LSG1: variants seen among roughly 807,000 people sequenced by gnomAD.
LSG1 encodes the protein large 60S subunit nuclear export GTPase 1.
In LSG1, 55 loss-of-function variants were observed where a neutral mutation model predicts 82.6. That is an observed-to-expected ratio of 0.67 (90% CI 0.54 to 0.83). The LOEUF (loss-of-function observed/expected upper bound fraction) is 0.83, where lower values mean the gene tolerates loss of function less well. Among genes scored for constraint, LSG1 ranks in the 40% least tolerant of loss-of-function variants. The probability of loss-of-function intolerance (pLI) is 0.00; values close to 1 mark genes in which losing one functional copy is unlikely to be tolerated. For missense variants in LSG1, 809 were observed against 807.9 expected (o/e 1.00, Z -0.02); for synonymous variants, 272 against 282.5 (o/e 0.96, Z 0.37).
At chr3:194,670,612 A>C (rs1719124607) in intron 1 of LSG1, among the ~76,000 whole-genome samples, 1 of 152,212 alleles carries the variant, frequency 6.6e-6, no homozygotes, top group African/African-American at 2.4e-5. Context: ...ATGGCAATAG[A>C]AGAATACTGA....
chr3:194,658,917 T>TA (rs1553846420), intron 7 of LSG1, 40 bp downstream of exon 7: 14 of 1,532,700 alleles, frequency 9.1e-6, no homozygotes. Context: ...AAATCAAAAT[T>TA]CCCTCTTTGA....
At chr3:194,644,380 AT>A (rs1290492477) in intron 13 of LSG1, among the ~76,000 whole-genome samples, 192 bp downstream of exon 13, 25,008 of 107,674 alleles carry the variant, frequency 0.23, 3,628 homozygotes, top group East Asian at 0.4. Context: ...AAAAAAAAAA[AT>A]AAAAATAAAT....
chr3:194,642,195 G>C lies in LSG1; in HGVS notation c.1850C>G (p.Pro617Arg). The C allele has an allele frequency of 1.2e-6, 2 of 1,613,940 alleles. No homozygotes were observed. Among genetic ancestry groups the C allele is most frequent in the African/African-American group, 1.3e-5 (1 of 74,956 alleles). The change falls in exon 14 of 14, where the codon CCC becomes CGC. Residue 617 changes from proline (P) to arginine (R), a missense_variant. Physicochemically the swap from Pro to Arg is moderately radical, Grantham distance 103. Coordinates refer to ENST00000265245, the MANE Select transcript of LSG1 (RefSeq NM_018385.3). ...KGVQAVMGYK[P>R]GSGVVTASTA... ...GGATGCAGTCACTACACCACTCCCG[G>C]GCTTGTAACCCATCACAGCCTGGAC...
Position 194,666,258 on chromosome 3 carries a change from C to T in LSG1, c.379G>A (p.Glu127Lys). 2 of 1,599,622 alleles carry T rather than the reference C, an allele frequency of 1.3e-6. No individual in the cohort carries two copies. Among genetic ancestry groups the T allele is most frequent in the Non-Finnish European group, 1.7e-6 (2 of 1,167,708 alleles). Residue 127 changes from glutamate (E) to lysine (K), a missense_variant, in exon 4 of 14, where the codon GAA becomes AAA. Glu to Lys is a moderately conservative substitution (Grantham distance 56). Transcript: ENST00000265245. ...PNWNQNTTPE[E>K]LKQAEKDNFL... ...TTATCTTTCTCTGCTTGTTTGAGTT[C>T]TTCTGGGGTAGTATTTTGGTTCCAG...
intron 10 of LSG1, among the ~76,000 whole-genome samples, chr3:194,650,076 C>G (rs982684184): frequency 6.6e-6 from 1 of 152,126 alleles, no homozygotes; most frequent in Non-Finnish European, 1.5e-5. Flanking sequence ...TGCACCACCA[C>G]GCCCAGCTAA....
intron 8 of LSG1, among the ~76,000 whole-genome samples, chr3:194,652,192 G>A (rs533762114): frequency 6.6e-6 from 1 of 152,158 alleles, no homozygotes; most frequent in East Asian, 1.9e-4. Context: ...TAGCCCCTCG[G>A]GGTTTGCGCA....
chr3:194,672,030 G>A, intron 1 of LSG1, 34 bp downstream of exon 1: 1 of 1,591,658 alleles, frequency 6.3e-7, no homozygotes, highest in East Asian at 2.2e-5. Flanking sequence ...AGGCTAGACA[G>A]AAAAGATAAG....
intron 1 of LSG1, among the ~76,000 whole-genome samples, chr3:194,670,559 C>T (rs565425262): frequency 2.0e-5 from 3 of 152,224 alleles, no homozygotes; most frequent in South Asian, 2.1e-4. Flanking sequence ...GGTGTATGTA[C>T]ATATAATGAT....
Position 194,641,368 on chromosome 3 carries a change from A to G in LSG1, c.*700T>C, listed in dbSNP as rs1718374963. On this transcript the variant is annotated 3_prime_UTR_variant, in exon 14 of 14. Transcript: ENST00000265245. Reference sequence around the variant, plus strand: ...ACTAATCTACTTCCTCTATATGGAGATTTGCTTATTCTGGACATTTTAAAT... The same window carrying G: ...ACTAATCTACTTCCTCTATATGGAGGTTTGCTTATTCTGGACATTTTAAAT... 1 of 152,040 alleles carries G rather than the reference A, an allele frequency of 6.6e-6. No individual in the cohort carries two copies. Among genetic ancestry groups the G allele is most frequent in the African/African-American group, 2.4e-5 (1 of 41,384 alleles). The allele number at this position is 152,040 out of a possible 1,614,324, so 9.4% of individuals were successfully genotyped here. A position where few individuals can be genotyped will look rare whatever the true frequency, so the allele number is the denominator to read the frequency against.
intron 11 of LSG1, among the ~76,000 whole-genome samples, chr3:194,648,129 T>C (rs1381739720): frequency 6.6e-6 from 1 of 151,238 alleles, no homozygotes; most frequent in Non-Finnish European, 1.5e-5. Flanking sequence ...AGGCCACCTT[T>C]AAAGTTTACA....
chr3:194,644,654 A>G lies in LSG1; in HGVS notation c.1716T>C (p.Ser572=). 1 of 1,612,590 alleles carries G rather than the reference A, an allele frequency of 6.2e-7. No homozygotes were observed. Among genetic ancestry groups the G allele is most frequent in the South Asian group, 1.1e-5 (1 of 90,782 alleles). The change falls in exon 13 of 14, where the codon AGT becomes AGC. Residue 572 remains serine, a synonymous_variant. Coordinates refer to ENST00000265245, the MANE Select transcript of LSG1 (RefSeq NM_018385.3). ...TGCCTAGCTGCATTTTTATTTCATCACTGTTCATTTTGTTCTCTAGGAGTC... is the reference window on the plus strand; with the variant it reads ...TGCCTAGCTGCATTTTTATTTCATCGCTGTTCATTTTGTTCTCTAGGAGTC... ...HQRLLENKMN[S]DEIKMQLGRN... is the part of the protein sequence containing the mutation.
rs146856473 is a variant in LSG1, at chr3:194,666,287, G to T, written c.350C>A (p.Pro117Gln). ...NKQFLCIPRR[P>Q]NWNQNTTPEE... ...TGGGGTAGTATTTTGGTTCCAGTTT[G>T]GTCTGAAACAATCATAGAAGGAAAA... The change falls in exon 4 of 14, where the codon CCA becomes CAA. Residue 117 changes from proline to glutamine, a missense_variant and splice_region_variant. Physicochemically the swap from Pro to Gln is moderately conservative, Grantham distance 76. Coordinates refer to ENST00000265245, the MANE Select transcript of LSG1 (RefSeq NM_018385.3). 4 of 1,613,706 alleles carry T rather than the reference G, an allele frequency of 2.5e-6. No individual in the cohort carries two copies. In the South Asian group the frequency reaches 4.4e-5, roughly 18 times the overall value.
At chr3:194,668,349 G>C (rs1719074695) in intron 2 of LSG1, among the ~76,000 whole-genome samples, 1 of 152,110 alleles carries the variant, frequency 6.6e-6, no homozygotes, top group African/African-American at 2.4e-5. Flanking sequence ...TTGAGGAACT[G>C]CCAAAATTTT....
chr3:194,642,123 C>A lies in LSG1; in HGVS notation c.1922G>T (p.Gly641Val). 1 of 1,613,690 alleles carries A rather than the reference C, an allele frequency of 6.2e-7. No individual in the cohort carries two copies. Among genetic ancestry groups the A allele is most frequent in the Non-Finnish European group, 8.5e-7 (1 of 1,180,024 alleles). Residue 641 changes from glycine to valine, a missense_variant, in exon 14 of 14, where the codon GGC (glycine) becomes GTC (valine). By Grantham distance (109) the Gly-to-Val change is moderately radical (BLOSUM62 -3). Coordinates refer to ENST00000265245, the MANE Select transcript of LSG1 (RefSeq NM_018385.3). Reference sequence around the variant, plus strand: ...ACTTTTTTCTTTTTTATTTCTGTTGCCATGTTTTTTCCAGGGCTTCCCCGC... The same window carrying A: ...ACTTTTTTCTTTTTTATTTCTGTTGACATGTTTTTTCCAGGGCTTCCCCGC... ...NGAGKPWKKH[G>V]NRNKKEKSRR... is the part of the protein sequence containing the mutation.
At position 194,670,074 on chromosome 3, in the gene LSG1, G is replaced by T. The variant is rs1406240075; in HGVS notation, c.161C>A (p.Thr54Asn). 2.5e-6 allele frequency: 4 copies of T among 1,613,994 alleles called. No homozygotes were observed. The African/African-American group carries it at 4.0e-5, about 16-fold the overall frequency. ...DWGRLNLQSV[T>N]EQSSLDDFLA... ...GAAGTCATCAAGGGAGCTCTGTTCA[G>T]TCACTGACTGAAGATTAAGACGACC... The change falls in exon 2 of 14, where the codon ACT becomes AAT. Residue 54 changes from threonine to asparagine, a missense_variant. Physicochemically the swap from Thr to Asn is moderately conservative, Grantham distance 65 (BLOSUM62 0). Coordinates refer to ENST00000265245, the MANE Select transcript of LSG1 (RefSeq NM_018385.3).
In LSG1 at chr3:194,666,192, A is replaced by G. The variant is rs760762276; in HGVS notation, c.434+11T>C. ...TTCAAAGTAAGTCTTCATAGAGTCTATAATACTCACCGGACAAGCTGACGT... is the reference window on the plus strand; with the variant it reads ...TTCAAAGTAAGTCTTCATAGAGTCTGTAATACTCACCGGACAAGCTGACGT... On this transcript the variant is annotated intron_variant, in intron 4 of 13. Coordinates refer to ENST00000265245, the MANE Select transcript of LSG1 (RefSeq NM_018385.3). 2.5e-5 allele frequency: 41 copies of G among 1,609,564 alleles called. No homozygotes were observed. The Admixed American group carries it at 3.8e-4, about 15-fold the overall frequency.
At chr3:194,651,084 G>A (rs764134289) in intron 9 of LSG1, 31 bp downstream of exon 9, 1 of 1,613,600 alleles carries the variant, frequency 6.2e-7, no homozygotes, top group Non-Finnish European at 8.5e-7. Flanking sequence ...AGAAAGAGCT[G>A]CATGCAAGTG....
intron 12 of LSG1, 86 bp from the exon 13 acceptor site, chr3:194,644,832 A>T (rs1718486751): frequency 9.1e-6 from 10 of 1,104,602 alleles, no homozygotes; most frequent in Non-Finnish European, 1.2e-6. Context: ...TCACACTCTG[A>T]TGGAGCTTTC....
At chr3:194,653,575 C>T (rs1773207) in intron 7 of LSG1, among the ~76,000 whole-genome samples, 109,495 of 151,302 alleles carry the variant, frequency 0.72, 40,084 homozygotes, top group East Asian at 0.94. Context: ...GAAAGGTGAA[C>T]ACAGGGAGGA....
Sources: gnomAD v4.1 joint callset for allele counts (sites outside exome capture counted in the v4.1 genomes callset) on GRCh38, gnomAD v4.1.1 for gene constraint, MANE v1.5 for transcripts, NCBI Gene and HGNC (gene_info 2026-07-23, HGNC 2026-07-21) for gene names.